The following AFG2A variants were observed in gnomAD, a reference collection of about 807,000 sequenced individuals.
The protein encoded by AFG2A is AAA ATPase AFG2A, also known as ATPase family gene 2 protein homolog A.
the AFG2A span, among the ~76,000 whole-genome samples, chr4:123,214,498 T>C: frequency 6.6e-6 from 1 of 152,046 alleles, no homozygotes; most frequent in Non-Finnish European, 1.5e-5. Flanking sequence ...GGTTCACTTA[T>C]ATGTGGATTT....
the AFG2A span, among the ~76,000 whole-genome samples, chr4:123,001,219 C>T: frequency 6.6e-5 from 10 of 151,498 alleles, no homozygotes; most frequent in South Asian, 1.7e-3. Context: ...GTCTTGCTAG[C>T]GGTGTATCAA....
the AFG2A span, among the ~76,000 whole-genome samples, chr4:123,004,358 C>G: frequency 1.3e-5 from 2 of 152,224 alleles, no homozygotes; most frequent in East Asian, 3.9e-4. Flanking sequence ...GAGATGAACC[C>G]GGTACCTCAG....
the AFG2A span, among the ~76,000 whole-genome samples, chr4:123,070,863 A>G: frequency 6.6e-6 from 1 of 152,188 alleles, no homozygotes; most frequent in East Asian, 1.9e-4. Context: ...AACCTTCCCA[A>G]TGAGTACTAG....
the AFG2A span, among the ~76,000 whole-genome samples, chr4:123,264,132 T>C: frequency 2.0e-5 from 3 of 152,206 alleles, no homozygotes; most frequent in African/African-American, 7.2e-5. Flanking sequence ...ACATCTTATG[T>C]TCTTACTCAT....
chr4:123,025,118 C>T, the AFG2A span, among the ~76,000 whole-genome samples: 3 of 152,122 alleles, frequency 2.0e-5, no homozygotes, highest in East Asian at 1.9e-4. Context: ...TTCCAGAATC[C>T]GGTAGAGACA....
At chr4:123,132,809 C>T in the AFG2A span, among the ~76,000 whole-genome samples, 280 of 136,482 alleles carry the variant, frequency 2.1e-3, no homozygotes, top group Middle Eastern at 4.4e-3. Flanking sequence ...GAGACGGAGT[C>T]TCGCTCTGTC....
the AFG2A span, among the ~76,000 whole-genome samples, chr4:122,953,727 G>A: frequency 7.2e-5 from 11 of 152,250 alleles, no homozygotes; most frequent in African/African-American, 2.4e-4. Flanking sequence ...CCACTACCAG[G>A]TTGTGCCACA....
chr4:123,204,923 G>T, the AFG2A span, among the ~76,000 whole-genome samples: 1 of 152,168 alleles, frequency 6.6e-6, no homozygotes, highest in Non-Finnish European at 1.5e-5. Context: ...TATGTTGGGA[G>T]TATGTATACA....
chr4:123,225,176 A>T, the AFG2A span, among the ~76,000 whole-genome samples: 3 of 152,100 alleles, frequency 2.0e-5, no homozygotes, highest in Non-Finnish European at 2.9e-5. Flanking sequence ...GTTCACGCTG[A>T]TGGTAGTTTC....
At chr4:123,179,862 A>G in the AFG2A span, among the ~76,000 whole-genome samples, 3 of 152,196 alleles carry the variant, frequency 2.0e-5, no homozygotes, top group Non-Finnish European at 4.4e-5. Flanking sequence ...AATTTTATCA[A>G]AAAATTTATA....
At chr4:123,184,606 G>A in the AFG2A span, among the ~76,000 whole-genome samples, 2 of 127,228 alleles carry the variant, frequency 1.6e-5, no homozygotes, top group Non-Finnish European at 3.2e-5. Flanking sequence ...GCGGGATCTC[G>A]GCTCACTGCA....
the AFG2A span, among the ~76,000 whole-genome samples, chr4:123,050,298 T>C: frequency 6.6e-6 from 1 of 152,180 alleles, no homozygotes; most frequent in Non-Finnish European, 1.5e-5. Context: ...GATGAAATGT[T>C]CCGTAAATGT....
chr4:123,246,594 T>C, the AFG2A span, among the ~76,000 whole-genome samples: 1 of 152,162 alleles, frequency 6.6e-6, no homozygotes, highest in Non-Finnish European at 1.5e-5. Context: ...CCAAAATTTT[T>C]CATGACATGT....
chr4:123,230,830 T>C, the AFG2A span, among the ~76,000 whole-genome samples: 2 of 152,008 alleles, frequency 1.3e-5, no homozygotes, highest in Admixed American at 1.3e-4. Context: ...AAAACAACAC[T>C]AATCTACATC....
the AFG2A span, among the ~76,000 whole-genome samples, chr4:123,265,756 A>G: frequency 6.6e-6 from 1 of 152,098 alleles, no homozygotes; most frequent in African/African-American, 2.4e-5. Flanking sequence ...GTCAGGACCT[A>G]CCAGATAATC....
At chr4:123,292,268 T>C in the AFG2A span, among the ~76,000 whole-genome samples, 1 of 152,198 alleles carries the variant, frequency 6.6e-6, no homozygotes, top group African/African-American at 2.4e-5. Context: ...ATTCATATTC[T>C]AAATTGTTAT....
At chr4:123,134,222 G>A in the AFG2A span, among the ~76,000 whole-genome samples, 1 of 152,054 alleles carries the variant, frequency 6.6e-6, no homozygotes, top group Admixed American at 6.5e-5. Flanking sequence ...TTTTCTTCTA[G>A]TAGTTTTATT....
chr4:123,300,789 G>A, the AFG2A span, among the ~76,000 whole-genome samples: 2 of 150,608 alleles, frequency 1.3e-5, no homozygotes, highest in African/African-American at 4.9e-5. Flanking sequence ...TAAGACACAG[G>A]TGTTTAGGTT....
chr4:123,055,307 G>T, the AFG2A span, among the ~76,000 whole-genome samples: 1 of 152,134 alleles, frequency 6.6e-6, no homozygotes, highest in Non-Finnish European at 1.5e-5. Context: ...TTTTGAGGAT[G>T]TGAAATAAAT....
Sources: gnomAD v4.1 joint callset for allele counts (sites outside exome capture counted in the v4.1 genomes callset) on GRCh38, gnomAD v4.1.1 for gene constraint, MANE v1.5 for transcripts, NCBI Gene and HGNC (gene_info 2026-07-23, HGNC 2026-07-21) for gene names.